The following CPAP variants were observed in gnomAD, a reference collection of about 807,000 sequenced individuals.
CPAP encodes the protein centrosome assembly and centriole elongation protein.
At chr13:24,892,582 T>C in the CPAP span, 3 of 1,298,334 alleles carry the variant, frequency 2.3e-6, no homozygotes, top group South Asian at 3.5e-5. Flanking sequence ...TCTATGAATT[T>C]GAATGCTCAG....
the CPAP span, chr13:24,906,989 AT>A: frequency 2.5e-6 from 4 of 1,604,226 alleles, no homozygotes; most frequent in East Asian, 6.7e-5. Flanking sequence ...ATTTGAATTA[AT>A]TTTGGTATAT....
the CPAP span, among the ~76,000 whole-genome samples, chr13:24,913,479 G>C: frequency 6.6e-6 from 1 of 151,784 alleles, no homozygotes; most frequent in African/African-American, 2.4e-5. Flanking sequence ...TCTTTGCCCA[G>C]TTGGTGAACC....
the CPAP span, chr13:24,885,770 T>C: frequency 1.2e-6 from 1 of 835,972 alleles, no homozygotes; most frequent in Non-Finnish European, 2.0e-6. Flanking sequence ...TGAACTGCTG[T>C]CCTTTATCCA....
At chr13:24,890,654 A>C in the CPAP span, among the ~76,000 whole-genome samples, 1 of 152,216 alleles carries the variant, frequency 6.6e-6, no homozygotes, top group African/African-American at 2.4e-5. Context: ...AGGTTGGCCC[A>C]GGTACAGCCA....
At chr13:24,916,177 T>G in the CPAP span, among the ~76,000 whole-genome samples, 1 of 152,156 alleles carries the variant, frequency 6.6e-6, no homozygotes, top group Non-Finnish European at 1.5e-5. Context: ...TGCAGGCTGA[T>G]GAGGATGGAG....
chr13:24,921,874 T>C, the CPAP span, among the ~76,000 whole-genome samples: 1 of 152,108 alleles, frequency 6.6e-6, no homozygotes, highest in Non-Finnish European at 1.5e-5. Flanking sequence ...ATGACCGCGA[T>C]TCTAAAAATA....
chr13:24,892,954 C>G, the CPAP span: 1 of 947,398 alleles, frequency 1.1e-6, no homozygotes, highest in Admixed American at 2.2e-5. Context: ...AGCAATGAAA[C>G]AGAATAGCCA....
chr13:24,894,023 C>T, the CPAP span, among the ~76,000 whole-genome samples: 1 of 151,952 alleles, frequency 6.6e-6, no homozygotes, highest in African/African-American at 2.4e-5. Flanking sequence ...CTGGGTGTCA[C>T]TGAACAGAGC....
chr13:24,883,872 T>C, the CPAP span: 4 of 1,452,190 alleles, frequency 2.8e-6, no homozygotes, highest in African/African-American at 1.4e-5. Context: ...GTGTCACATA[T>C]CATCAGAAAC....
At chr13:24,919,405 G>A in the CPAP span, among the ~76,000 whole-genome samples, 2 of 152,128 alleles carry the variant, frequency 1.3e-5, no homozygotes, top group Non-Finnish European at 2.9e-5. Flanking sequence ...CTGAACCTGT[G>A]ACATGGATAT....
chr13:24,906,078 C>G, the CPAP span: 6 of 1,612,738 alleles, frequency 3.7e-6, no homozygotes, highest in South Asian at 6.6e-5. Context: ...TGTTTGGGTG[C>G]GACTTCACAC....
At chr13:24,933,366 C>T in the CPAP span, 1 of 402,200 alleles carries the variant, frequency 2.5e-6, no homozygotes, top group African/African-American at 2.0e-5. Context: ...TTCCACATGT[C>T]CAGTGAGGCA....
chr13:24,917,938 A>G, the CPAP span, among the ~76,000 whole-genome samples: 2 of 152,310 alleles, frequency 1.3e-5, no homozygotes, highest in Non-Finnish European at 2.9e-5. Flanking sequence ...TAATCCATTC[A>G]TTAGGGTGGA....
At chr13:24,906,160 A>T in the CPAP span, 1 of 1,613,744 alleles carries the variant, frequency 6.2e-7, no homozygotes, top group South Asian at 1.1e-5. Flanking sequence ...GATCTGCCGG[A>T]TTTGTCTTCT....
At chr13:24,905,265 G>A in the CPAP span, 2 of 1,327,628 alleles carry the variant, frequency 1.5e-6, no homozygotes, top group Non-Finnish European at 2.1e-6. Context: ...GGAAAGTTAG[G>A]ATTTTAAGCA....
chr13:24,883,118 A>C, the CPAP span: 2 of 1,384,634 alleles, frequency 1.4e-6, no homozygotes, highest in South Asian at 2.3e-5. Flanking sequence ...TCCACAGTAA[A>C]TGTACATTTT....
the CPAP span, among the ~76,000 whole-genome samples, chr13:24,911,015 G>A: frequency 6.6e-6 from 1 of 152,130 alleles, no homozygotes; most frequent in South Asian, 2.1e-4. Flanking sequence ...AGCAGAACAG[G>A]TGCTTTCCTG....
At chr13:24,883,564 T>C in the CPAP span, among the ~76,000 whole-genome samples, 2 of 152,186 alleles carry the variant, frequency 1.3e-5, no homozygotes, top group Non-Finnish European at 2.9e-5. Context: ...ATTAGCATTG[T>C]TTTAATCATT....
the CPAP span, among the ~76,000 whole-genome samples, chr13:24,899,826 C>T: frequency 6.6e-6 from 1 of 152,134 alleles, no homozygotes; most frequent in Non-Finnish European, 1.5e-5. Context: ...AACATTCTAG[C>T]TGGGCACAGT....
Sources: gnomAD v4.1 joint callset for allele counts (sites outside exome capture counted in the v4.1 genomes callset) on GRCh38, gnomAD v4.1.1 for gene constraint, MANE v1.5 for transcripts, NCBI Gene and HGNC (gene_info 2026-07-23, HGNC 2026-07-21) for gene names.